The following HSD17B7 variants were observed in gnomAD, a reference collection of about 807,000 sequenced individuals.
HSD17B7 encodes the protein 3-keto-steroid reductase/17-beta-hydroxysteroid dehydrogenase 7.
In HSD17B7, 17 loss-of-function variants were observed where a neutral mutation model predicts 34.1. The ratio of observed to expected loss-of-function variants is 0.50; its 90% CI spans 0.34 to 0.75. HSD17B7 has a LOEUF of 0.75. Ranked by LOEUF, HSD17B7 falls within the 30% of genes least tolerant of loss-of-function variation. The pLI, the probability that HSD17B7 is intolerant of heterozygous loss-of-function variation, is 0.01. For missense variants in HSD17B7, 296 were observed against 406.6 expected, an observed-to-expected ratio of 0.73 and a Z score of 2.34; for synonymous variants, 122 against 154.6, an observed-to-expected ratio of 0.79 and a Z score of 1.56.
Position 162,799,766 on chromosome 1 carries a change from C to T in HSD17B7, c.471C>T (p.Leu157=). Residue 157 remains leucine, a synonymous_variant, in exon 5 of 9, where the codon CTC becomes CTT. Coordinates refer to ENST00000254521, the MANE Select transcript of HSD17B7 (RefSeq NM_016371.4). The stretch of plus-strand genomic sequence containing the variant: ...AGATTCGGGAACTGGAGCCTCTCCT[C>T]TGTCACAGTGACAATCCATCTCAGC... The part of the protein sequence containing the change: ...FILIRELEPL[L]CHSDNPSQLI... 1 of 1,613,614 alleles carries T rather than the reference C, an allele frequency of 6.2e-7. No homozygotes were observed. The highest frequency in any genetic ancestry group is 1.7e-5 in the Admixed American group (1 of 59,984).
chr1:162,800,447 C>T (rs12027467), intron 5 of HSD17B7: 35,600 of 371,280 alleles, frequency 0.096, 2,917 homozygotes, highest in South Asian at 0.25. Context: ...TCATAGCAGA[C>T]GTTTATAGGA....
Position 162,792,769 on chromosome 1 carries a change from T to A in HSD17B7, c.146T>A (p.Leu49Gln). ...SKAEAVCAAL[L>Q]ASHPTAEVTI... ...GCAGAAGCTGTCTGTGCTGCTCTGC[T>A]GGCCTCTCACCCCACTGCTGAGGTC... Residue 49 changes from leucine (L) to glutamine (Q), a missense_variant, in exon 2 of 9, where the codon CTG becomes CAG. Coordinates refer to ENST00000254521, the MANE Select transcript of HSD17B7 (RefSeq NM_016371.4). The A allele has an allele frequency of 1.2e-6, 2 of 1,614,248 alleles. No individual in the cohort carries two copies. The highest frequency in any genetic ancestry group is 1.7e-6 in the Non-Finnish European group (2 of 1,180,046).
At chr1:162,796,843 C>A (rs1648629372) in intron 3 of HSD17B7, among the ~76,000 whole-genome samples, 166 bp downstream of exon 3, 1 of 152,122 alleles carries the variant, frequency 6.6e-6, no homozygotes, top group South Asian at 2.1e-4. Flanking sequence ...AAGCAATCCT[C>A]TTTTGTGGGG....
In HSD17B7 at chr1:162,793,722, C is replaced by A. The variant is rs146934275; in HGVS notation, c.239+860C>A. ...TGAATTCATTTTTTACATCTTTCTT[C>A]ACATAATGAATTCATTAAGTAGATA... is the stretch of plus-strand genomic sequence containing the variant. On this transcript the variant is annotated intron_variant, in intron 2 of 8. Transcript: ENST00000254521. Among the ~76,000 whole-genome samples, 513 of 152,278 alleles carry A rather than the reference C, an allele frequency of 3.4e-3. 6 individuals are homozygous for A. The highest frequency in any genetic ancestry group is 0.032 in the East Asian group (166 of 5,184).
At chr1:162,795,713 G>C (rs1316115623) in intron 2 of HSD17B7, 4 of 425,892 alleles carry the variant, frequency 9.4e-6, no homozygotes, top group Non-Finnish European at 1.9e-5. Flanking sequence ...TTAATATCTT[G>C]GGTTATTCAG....
intron 8 of HSD17B7, among the ~76,000 whole-genome samples, chr1:162,811,321 G>A (rs933335408): frequency 8.5e-5 from 13 of 152,198 alleles, no homozygotes; most frequent in Non-Finnish European, 1.5e-4. Context: ...GAGATCCGCT[G>A]TTAGTCTGAT....
At chr1:162,798,994 CA>C (rs58731372) in intron 4 of HSD17B7, 95,176 of 138,236 alleles carry the variant, frequency 0.69, 32,699 homozygotes, top group East Asian at 0.85. Flanking sequence ...AACTCCGTCT[CA>C]AAAAAAAAAA....
intron 5 of HSD17B7, 140 bp downstream of exon 5, chr1:162,800,077 G>A: frequency 1.3e-6 from 1 of 775,170 alleles, no homozygotes; most frequent in East Asian, 2.7e-5. Context: ...AAGTGTTAGG[G>A]CAGAGATAAT....
chr1:162,803,522 C>T lies in HSD17B7; in HGVS notation c.734C>T (p.Pro245Leu), dbSNP rs563074340. 47 of 1,612,412 alleles carry T rather than the reference C, an allele frequency of 2.9e-5. No homozygotes were observed. Among genetic ancestry groups the T allele is most frequent in the African/African-American group, 9.3e-5 (7 of 74,922 alleles). ...LPPFIWTLLM[P>L]AILLLRFFAN... Reference sequence around the variant, plus strand: ...CCGTTTATATGGACGCTGTTGATGCCGGCAATATTGCTAGTAAGTGATGAA... The same window carrying T: ...CCGTTTATATGGACGCTGTTGATGCTGGCAATATTGCTAGTAAGTGATGAA... Residue 245 changes from proline to leucine, a missense_variant, in exon 6 of 9, where the codon CCG (proline) becomes CTG (leucine). Transcript: ENST00000254521.
At chr1:162,811,997 T>C (rs2805053) in intron 8 of HSD17B7, among the ~76,000 whole-genome samples, 76,979 of 152,080 alleles carry the variant, frequency 0.51, 19,792 homozygotes, top group African/African-American at 0.58. Flanking sequence ...TTTTGTCCTT[T>C]GATAACCAGT....
intron 1 of HSD17B7, among the ~76,000 whole-genome samples, chr1:162,791,977 A>G (rs972176805): frequency 3.9e-5 from 6 of 152,156 alleles, no homozygotes; most frequent in Non-Finnish European, 7.3e-5. Flanking sequence ...CACCACTCCT[A>G]TGCGGTTTTA....
At chr1:162,790,862 G>A (rs781674948) in intron 1 of HSD17B7, 27 bp downstream of exon 1, 2 of 1,611,706 alleles carry the variant, frequency 1.2e-6, no homozygotes, top group Non-Finnish European at 1.7e-6. Context: ...GTTGGCAGAG[G>A]CGGCAGCGGA....
intron 2 of HSD17B7, among the ~76,000 whole-genome samples, chr1:162,794,059 G>A (rs1481346151): frequency 1.3e-5 from 2 of 152,228 alleles, no homozygotes; most frequent in Non-Finnish European, 2.9e-5. Flanking sequence ...TCTGAGCAGA[G>A]AGGGCTTTTT....
Position 162,804,215 on chromosome 1 carries a change from C to T in HSD17B7, c.748-52C>T, listed in dbSNP as rs114606146. 3,096 of 1,308,966 alleles carry T rather than the reference C, an allele frequency of 2.4e-3. 43 individuals carry two copies. The African/African-American group carries it at 0.039, about 16-fold the overall frequency. The allele number at this position is 1,308,966 out of a possible 1,614,324, so 81.1% of individuals were successfully genotyped here. A position where few individuals can be genotyped will look rare whatever the true frequency, so the allele number is the denominator to read the frequency against. On this transcript the variant is annotated intron_variant, in intron 6 of 8. Coordinates refer to ENST00000254521, the MANE Select transcript of HSD17B7 (RefSeq NM_016371.4). ...AAAATATTTAAATGAATAATTCTTT[C>T]GTGACTCTATTCTAAACCACCAAAA...
At chr1:162,796,349 A>G (rs553893777) in intron 2 of HSD17B7, among the ~76,000 whole-genome samples, 92 of 152,358 alleles carry the variant, frequency 6.0e-4, no homozygotes, top group Non-Finnish European at 1.0e-3. Context: ...CCACTACCAA[A>G]GAAAGAATTC....
chr1:162,802,007 G>C (rs1648830143), intron 5 of HSD17B7, among the ~76,000 whole-genome samples: 1 of 152,022 alleles, frequency 6.6e-6, no homozygotes, highest in Admixed American at 6.6e-5. Flanking sequence ...CCTTTATGAG[G>C]AAAGAAGCAG....
chr1:162,804,337 G>T lies in HSD17B7; in HGVS notation c.804+14G>T. The T allele has an allele frequency of 1.3e-6, 2 of 1,507,892 alleles. No homozygotes were observed. The highest frequency in any genetic ancestry group is 1.8e-6 in the Non-Finnish European group (2 of 1,091,830). The allele number at this position is 1,507,892 out of a possible 1,614,324, so 93.4% of individuals were successfully genotyped here. A position where few individuals can be genotyped will look rare whatever the true frequency, so the allele number is the denominator to read the frequency against. ...ACAGAAGCTCTGGTATGTTACTGAA[G>T]TTTTTATAACTTGTATGATGACTTA... On this transcript the variant is annotated intron_variant, in intron 7 of 8. Coordinates refer to ENST00000254521, the MANE Select transcript of HSD17B7 (RefSeq NM_016371.4).
chr1:162,797,650 A>G, intron 3 of HSD17B7, 152 bp from the exon 4 acceptor site: 1 of 1,241,344 alleles, frequency 8.1e-7, no homozygotes, highest in South Asian at 1.7e-5. Flanking sequence ...TAATACAATA[A>G]CCCAGTCTGA....
intron 8 of HSD17B7, among the ~76,000 whole-genome samples, chr1:162,808,882 G>A (rs1649079025): frequency 2.6e-5 from 4 of 152,132 alleles, no homozygotes; most frequent in African/African-American, 9.7e-5. Flanking sequence ...AGACAATGGG[G>A]TTTTCTAAAT....
Sources: allele counts gnomAD v4.1 joint callset (sites outside exome capture counted in the v4.1 genomes callset), GRCh38; gene constraint gnomAD v4.1.1; transcripts MANE v1.5; gene names NCBI Gene and HGNC (gene_info 2026-07-23, HGNC 2026-07-21).